Variants in LRMDA observed in about 807,000 individuals in gnomAD.
The protein encoded by LRMDA is leucine-rich melanocyte differentiation-associated protein.
LRMDA carries 18 observed loss-of-function variants against 29.8 expected under a neutral mutation model. The observed-to-expected ratio is 0.60, with a 90% CI of 0.42 to 0.90. LRMDA has a LOEUF of 0.90. Ranked by LOEUF, LRMDA falls within the 40% of genes least tolerant of loss-of-function variation. The pLI is 0.00. For synonymous variants in LRMDA, 125 were observed against 109.4 expected, an observed-to-expected ratio of 1.14 and a Z score of -0.89; for missense variants, 273 against 273.9, an observed-to-expected ratio of 1.00 and a Z score of 0.02.
At chr10:75,715,491 A>G (rs959924506) in intron 2 of LRMDA, among the ~76,000 whole-genome samples, 1 of 152,122 alleles carries the variant, frequency 6.6e-6, no homozygotes, top group Non-Finnish European at 1.5e-5. Flanking sequence ...TTTGAAAACT[A>G]GGATCATTCT....
At chr10:76,172,072 A>G (rs1439851171) in intron 5 of LRMDA, among the ~76,000 whole-genome samples, 1 of 152,160 alleles carries the variant, frequency 6.6e-6, no homozygotes, top group Non-Finnish European at 1.5e-5. Flanking sequence ...GACTCTTTCT[A>G]GCAACCCACG....
rs138052429 is a variant in LRMDA at position 75,474,764 on chromosome 10, T to C, written c.131+36270T>C. Reference sequence around the variant, plus strand: ...GTCCTATTTCTTGGGGGCTGGCCCCTTCAGTGGGTTGTAAGACGTGTGTGC... The same window carrying C: ...GTCCTATTTCTTGGGGGCTGGCCCCCTCAGTGGGTTGTAAGACGTGTGTGC... On this transcript the variant is annotated intron_variant, in intron 2 of 6. Transcript: ENST00000611255. Among the ~76,000 whole-genome samples the C allele has an allele frequency of 3.3e-5, 5 of 152,330 alleles. No homozygotes were observed. The East Asian group carries it at 9.7e-4, about 29-fold the overall frequency.
At chr10:76,222,133 G>C (rs1445821432) in intron 5 of LRMDA, among the ~76,000 whole-genome samples, 1 of 151,846 alleles carries the variant, frequency 6.6e-6, no homozygotes, top group Non-Finnish European at 1.5e-5. Flanking sequence ...ATGGATTAAA[G>C]ACTTAAACAT....
chr10:76,379,760 G>C (rs1841567382), intron 6 of LRMDA, among the ~76,000 whole-genome samples: 1 of 151,972 alleles, frequency 6.6e-6, no homozygotes, highest in Non-Finnish European at 1.5e-5. Context: ...CTAGCTTTGG[G>C]TTTGGTTTGT....
intron 5 of LRMDA, among the ~76,000 whole-genome samples, chr10:76,108,097 A>G (rs1048756462): frequency 4.6e-5 from 7 of 152,240 alleles, no homozygotes; most frequent in African/African-American, 1.4e-4. Flanking sequence ...AAATGGAAAT[A>G]TGGAAGATTT....
chr10:76,160,060 G>A (rs915766573), intron 5 of LRMDA, among the ~76,000 whole-genome samples: 5 of 152,104 alleles, frequency 3.3e-5, no homozygotes, highest in Non-Finnish European at 1.5e-5. Context: ...AGGTTCATCA[G>A]TGTAACAATT....
intron 6 of LRMDA, among the ~76,000 whole-genome samples, chr10:76,394,275 T>C (rs910157009): frequency 1.3e-5 from 2 of 152,194 alleles, no homozygotes; most frequent in Non-Finnish European, 2.9e-5. Flanking sequence ...TCCAGTCCAT[T>C]TTCTGGAATC....
intron 2 of LRMDA, among the ~76,000 whole-genome samples, chr10:75,472,512 ATTTC>A (rs1025678007): frequency 6.6e-6 from 1 of 152,192 alleles, no homozygotes; most frequent in African/African-American, 2.4e-5. Context: ...GGCAGGGACA[ATTTC>A]TTTAACTTCT....
At chr10:76,068,119 A>G (rs961861608) in intron 5 of LRMDA, among the ~76,000 whole-genome samples, 1 of 152,250 alleles carries the variant, frequency 6.6e-6, no homozygotes, top group Non-Finnish European at 1.5e-5. Context: ...GAAGAAGGAG[A>G]AAACAGGGAT....
intron 2 of LRMDA, among the ~76,000 whole-genome samples, chr10:75,992,028 AT>A: frequency 6.6e-6 from 1 of 152,284 alleles, no homozygotes; most frequent in East Asian, 1.9e-4. Flanking sequence ...TAACCCATTT[AT>A]TTAGTATTTC....
chr10:76,049,681 G>T (rs1290641215), intron 4 of LRMDA, among the ~76,000 whole-genome samples: 3 of 152,004 alleles, frequency 2.0e-5, no homozygotes, highest in Non-Finnish European at 4.4e-5. Flanking sequence ...GAAATTTTAG[G>T]GTTTTGCAAT....
At chr10:76,326,343 G>A (rs1359670024) in intron 6 of LRMDA, among the ~76,000 whole-genome samples, 1 of 152,170 alleles carries the variant, frequency 6.6e-6, no homozygotes, top group African/African-American at 2.4e-5. Flanking sequence ...GCACTAAAAT[G>A]AAACCACTTA....
At chr10:75,857,786 G>A (rs1844852913) in intron 2 of LRMDA, among the ~76,000 whole-genome samples, 1 of 152,146 alleles carries the variant, frequency 6.6e-6, no homozygotes, top group African/African-American at 2.4e-5. Flanking sequence ...CACTATCCTG[G>A]GGTAAAATGA....
chr10:76,119,048 C>T (rs987967753), intron 5 of LRMDA, among the ~76,000 whole-genome samples: 1 of 151,912 alleles, frequency 6.6e-6, no homozygotes, highest in African/African-American at 2.4e-5. Flanking sequence ...TACTTTTGCT[C>T]CTTATTTTAT....
rs1396469043 is a variant in LRMDA at position 75,431,684 on chromosome 10, C to G, written c.-41C>G. On this transcript the variant is annotated 5_prime_UTR_variant, in exon 1 of 7. Transcript: ENST00000611255. ...GCGCTCCCCGCTGCTGCCGCCGCGC[C>G]CCCGCGCTCCGTCCCGCGCGCCCGC... 2.4e-6 allele frequency: 3 copies of G among 1,272,532 alleles called. No individual in the cohort carries two copies. The highest frequency in any genetic ancestry group is 3.0e-6 in the Non-Finnish European group (3 of 1,015,930). The allele number at this position is 1,272,532 out of a possible 1,614,324, so 78.8% of individuals were successfully genotyped here.
chr10:76,506,442 G>A (rs1481213244), intron 6 of LRMDA, among the ~76,000 whole-genome samples: 1 of 152,108 alleles, frequency 6.6e-6, no homozygotes, highest in African/African-American at 2.4e-5. Context: ...TGAAAGAACA[G>A]AAGCCATATC....
intron 2 of LRMDA, among the ~76,000 whole-genome samples, chr10:75,526,858 CA>C (rs57071985): frequency 0.47 from 63,364 of 133,428 alleles, 14,555 homozygotes; most frequent in African/African-American, 0.65. Flanking sequence ...GGCCCTATCT[CA>C]AAAAAAAAAA....
At chr10:76,302,063 G>A (rs892792813) in intron 5 of LRMDA, among the ~76,000 whole-genome samples, 7 of 152,162 alleles carry the variant, frequency 4.6e-5, no homozygotes, top group Admixed American at 6.5e-5. Flanking sequence ...TCTCTGTGGC[G>A]TTGTCTGATG....
At chr10:76,524,718 T>G (rs2132366074) in intron 6 of LRMDA, among the ~76,000 whole-genome samples, 1 of 152,356 alleles carries the variant, frequency 6.6e-6, no homozygotes, top group South Asian at 2.1e-4. Context: ...GTCAATATTT[T>G]GTACCTCTGC....
Sources: gnomAD v4.1 joint callset for allele counts (sites outside exome capture counted in the v4.1 genomes callset) on GRCh38, gnomAD v4.1.1 for gene constraint, MANE v1.5 for transcripts, NCBI Gene and HGNC (gene_info 2026-07-23, HGNC 2026-07-21) for gene names.